Variants in PHC2 observed in about 807,000 individuals in gnomAD.
PHC2 encodes polyhomeotic-like protein 2.
Under a neutral mutation model 87.4 loss-of-function variants are expected in PHC2, and 29 were observed. The observed-to-expected ratio is 0.33, with a 90% confidence interval of 0.25 to 0.45. The LOEUF (loss-of-function observed/expected upper bound fraction) is 0.45, where lower values mean the gene tolerates loss of function less well. PHC2 is among the 20% of genes least tolerant of loss of function. PHC2 has a pLI of 1.00. For missense variants in PHC2, 857 were observed against 1,136.7 expected (o/e 0.75, Z 3.54); for synonymous variants, 438 against 461.7 (o/e 0.95, Z 0.66).
chr1:33,334,188 T>A lies in PHC2; in HGVS notation c.1663A>T (p.Asn555Tyr). Residue 555 changes from asparagine (N) to tyrosine (Y), a missense_variant, in exon 10 of 15, where the codon AAT (asparagine) becomes TAT (tyrosine). Coordinates refer to ENST00000683057, the MANE Select transcript of PHC2 (RefSeq NM_001385109.1). This position sits in a 1 kb window ranked among gnomAD's most constrained non-coding sequence, Gnocchi z 5.5. ...GCCTGTGGTGGTTTATTCTCACCAT[T>A]CTGGGGGGCAGTGCCGGCGATGCTG... is the stretch of plus-strand genomic sequence containing the variant. ...ASSIAGTAPQ[N>Y]GENKPPQAIV... The A allele has an allele frequency of 6.2e-7, 1 of 1,613,332 alleles. No individual in the cohort carries two copies. The highest frequency in any genetic ancestry group is 8.5e-7 in the Non-Finnish European group (1 of 1,179,802).
intron 7 of PHC2, among the ~76,000 whole-genome samples, chr1:33,356,279 A>ATATATATATATATG (rs1647081444): frequency 1.5e-5 from 2 of 129,230 alleles, no homozygotes; most frequent in Non-Finnish European, 3.1e-5. Flanking sequence ...ATATATATGT[A>ATATATATATATATG]TATATATATA....
chr1:33,346,027 C>A (rs979710412), intron 9 of PHC2: 16 of 985,274 alleles, frequency 1.6e-5, no homozygotes, highest in Middle Eastern at 5.2e-4. Flanking sequence ...ATAGTTTAAA[C>A]CATGCCCTAA....
At chr1:33,394,067 C>T (rs1183939705) in intron 1 of PHC2, among the ~76,000 whole-genome samples, 2 of 152,174 alleles carry the variant, frequency 1.3e-5, no homozygotes, top group African/African-American at 4.8e-5. Flanking sequence ...TATTTCCACT[C>T]CTGTCCTATA....
At chr1:33,345,674 T>A in intron 9 of PHC2, 1 of 984,738 alleles carries the variant, frequency 1.0e-6, no homozygotes, top group East Asian at 1.1e-4. Context: ...AAGAGCCCAT[T>A]TCTTGACCAT....
Position 33,368,601 on chromosome 1 carries a change from T to C in PHC2, c.598A>G (p.Thr200Ala). ...AQMLIFTPTA[T>A]VATVQPELGT... ...AGCTCAGGCTGCACAGTAGCGACGGTGGCCGTGGGCGTGAAGATGAGCTGA... is the reference window on the plus strand; with the variant it reads ...AGCTCAGGCTGCACAGTAGCGACGGCGGCCGTGGGCGTGAAGATGAGCTGA... The change falls in exon 6 of 15, where the codon ACC (threonine) becomes GCC (alanine). Residue 200 changes from threonine (T) to alanine (A), a missense_variant. Coordinates refer to ENST00000683057, the MANE Select transcript of PHC2 (RefSeq NM_001385109.1). This position sits in a 1 kb window ranked among gnomAD's most constrained non-coding sequence, Gnocchi z 6.6. The C allele has an allele frequency of 6.4e-7, 1 of 1,551,144 alleles. No individual in the cohort carries two copies. The highest frequency in any genetic ancestry group is 1.7e-4 in the Middle Eastern group (1 of 5,972).
At chr1:33,392,752 C>T (rs755333056) in intron 1 of PHC2, 1 of 152,114 alleles carries the variant, frequency 6.6e-6, no homozygotes, top group Non-Finnish European at 1.5e-5. Context: ...CTTTGTTCCA[C>T]TCCCTCTCTC....
intron 9 of PHC2, among the ~76,000 whole-genome samples, chr1:33,348,840 ATCAGT>A (rs939117516): frequency 1.3e-5 from 2 of 152,144 alleles, no homozygotes; most frequent in African/African-American, 4.8e-5. Flanking sequence ...TGTGGGTGAG[ATCAGT>A]TCAGGTTATG....
At chr1:33,401,466 T>C (rs1649527895) in intron 1 of PHC2, among the ~76,000 whole-genome samples, 1 of 152,246 alleles carries the variant, frequency 6.6e-6, no homozygotes. Flanking sequence ...AGTTTGGCAT[T>C]AGCACTATCT....
At chr1:33,370,712 G>C in intron 4 of PHC2, 127 bp from the exon 5 acceptor site, 1 of 932,940 alleles carries the variant, frequency 1.1e-6, no homozygotes, top group Non-Finnish European at 1.6e-6. Flanking sequence ...GAACGTCTGT[G>C]GTCCTTGGCT....
rs114475073 is a variant in PHC2 at position 33,393,534 on chromosome 1, A to G, written c.-54-17941T>C. ...GTAAATCTTGTCAGGAGCCACACACACCAACTTTCTGTGCTCAGGGACCAG... is the reference window on the plus strand; with the variant it reads ...GTAAATCTTGTCAGGAGCCACACACGCCAACTTTCTGTGCTCAGGGACCAG... On this transcript the variant is annotated intron_variant, in intron 1 of 14. Transcript: ENST00000683057. 2.9e-3 allele frequency among the ~76,000 whole-genome samples: 434 copies of G among 147,378 alleles called. 2 individuals carry two copies. The highest frequency in any genetic ancestry group is 0.011 in the African/African-American group (418 of 39,422).
At chr1:33,409,812 CAG>C (rs757309076) in intron 1 of PHC2, among the ~76,000 whole-genome samples, 15 of 152,192 alleles carry the variant, frequency 9.9e-5, no homozygotes, top group Non-Finnish European at 1.6e-4. Flanking sequence ...TGCAGAGAGA[CAG>C]AAATTTATTC....
chr1:33,326,062 TG>T (rs774746779), intron 14 of PHC2: 111 of 351,488 alleles, frequency 3.2e-4, no homozygotes, highest in Non-Finnish European at 5.8e-4. Context: ...GTAGCAGAAA[TG>T]TAAGTTGAAT....
intron 1 of PHC2, among the ~76,000 whole-genome samples, chr1:33,422,565 T>C (rs1230319972): frequency 6.6e-6 from 1 of 152,236 alleles, no homozygotes; most frequent in Admixed American, 6.5e-5. Flanking sequence ...TTTTGGCTGG[T>C]TATACAATGG....
At chr1:33,398,157 C>A (rs934365582) in intron 1 of PHC2, among the ~76,000 whole-genome samples, 1 of 152,184 alleles carries the variant, frequency 6.6e-6, no homozygotes, top group Non-Finnish European at 1.5e-5. Context: ...TGTGGAAAGG[C>A]TCTAAGGCTT....
At chr1:33,328,102 C>T (rs935199196) in intron 14 of PHC2, among the ~76,000 whole-genome samples, 3 of 152,164 alleles carry the variant, frequency 2.0e-5, no homozygotes, top group African/African-American at 4.8e-5. Flanking sequence ...CTGACCTGGT[C>T]GGTGTATGAG....
chr1:33,334,208 A>G lies in PHC2; in HGVS notation c.1643T>C (p.Ile548Thr), dbSNP rs1447704558. The G allele has an allele frequency of 1.9e-6, 3 of 1,612,926 alleles. No individual in the cohort carries two copies. In the East Asian group the frequency reaches 6.7e-5, roughly 36 times the overall value. The part of the protein sequence containing the change: ...TSGNGNSASS[I>T]AGTAPQNGEN... ...ACCATTCTGGGGGGCAGTGCCGGCG[A>G]TGCTGGAGGCAGAGTTTCCGTTCCC... The change falls in exon 10 of 15, where the codon ATC becomes ACC. Residue 548 changes from isoleucine to threonine, a missense_variant. By Grantham distance (89) the Ile-to-Thr change is moderately conservative. Around this residue, in one of 3 missense-constraint regions of PHC2, gnomAD observed 832 missense variants for 1,081.8 expected, o/e 0.77. Coordinates refer to ENST00000683057, the MANE Select transcript of PHC2 (RefSeq NM_001385109.1). The surrounding 1 kb of genome is among the most constrained non-coding windows in gnomAD (Gnocchi z 5.5).
At chr1:33,329,359 A>AC (rs2148189264) in intron 13 of PHC2, among the ~76,000 whole-genome samples, 1 of 152,236 alleles carries the variant, frequency 6.6e-6, no homozygotes, top group Non-Finnish European at 1.5e-5. Context: ...TACTGCAATT[A>AC]TCTTTTTCTA....
intron 8 of PHC2, 69 bp downstream of exon 8, chr1:33,354,769 G>C: frequency 2.0e-6 from 3 of 1,524,326 alleles, no homozygotes; most frequent in Non-Finnish European, 8.9e-7. Context: ...ACCTCTTGAC[G>C]GGGCTGTGGG....
At chr1:33,418,664 C>A (rs1650304404) in intron 1 of PHC2, among the ~76,000 whole-genome samples, 1 of 151,394 alleles carries the variant, frequency 6.6e-6, no homozygotes, top group South Asian at 2.1e-4. Flanking sequence ...ATTAAATATT[C>A]AAAAAAAAGA....
Sources: gnomAD v4.1 joint callset for allele counts (sites outside exome capture counted in the v4.1 genomes callset) on GRCh38, gnomAD v4.1.1 for gene constraint, gnomAD v4.1.1 regional missense constraint, Gnocchi (gnomAD v3.1) non-coding constraint, MANE v1.5 for transcripts, NCBI Gene and HGNC (gene_info 2026-07-23, HGNC 2026-07-21) for gene names.